The following NKAIN3 variants were observed in gnomAD, a reference collection of about 807,000 sequenced individuals.
The protein encoded by NKAIN3 is sodium/potassium transporting ATPase interacting 3.
In NKAIN3, 25 loss-of-function variants were observed where a neutral mutation model predicts 30.2. The observed-to-expected ratio is 0.83, with a 90% CI of 0.60 to 1.16. The LOEUF (loss-of-function observed/expected upper bound fraction) is 1.16. NKAIN3 is among the 50% of genes most tolerant of loss of function. The pLI is 0.00. For synonymous variants in NKAIN3, 91 were observed against 89.6 expected (o/e 1.02, Z -0.09); for missense variants, 225 against 254.1 (o/e 0.89, Z 0.78).
At chr8:62,875,015 G>A (rs958656344) in intron 4 of NKAIN3, among the ~76,000 whole-genome samples, 11 of 152,140 alleles carry the variant, frequency 7.2e-5, no homozygotes, top group African/African-American at 2.2e-4. Flanking sequence ...TAGGAAGGGA[G>A]GAAGTCAGGT....
intron 1 of NKAIN3, among the ~76,000 whole-genome samples, chr8:62,476,607 C>G (rs577899343): frequency 9.2e-5 from 14 of 152,078 alleles, no homozygotes; most frequent in African/African-American, 3.4e-4. Context: ...CAGGCACGTG[C>G]CACCATACCC....
chr8:62,427,443 G>T (rs1235160236), intron 1 of NKAIN3, among the ~76,000 whole-genome samples: 2 of 151,906 alleles, frequency 1.3e-5, no homozygotes, highest in Non-Finnish European at 1.5e-5. Context: ...TTCCTCACAT[G>T]AAGTGTAGTT....
intron 4 of NKAIN3, among the ~76,000 whole-genome samples, chr8:62,801,060 G>A (rs1323090679): frequency 1.3e-5 from 2 of 152,186 alleles, no homozygotes; most frequent in African/African-American, 4.8e-5. Flanking sequence ...AGCAAGGCTG[G>A]GGGAGGGGCT....
At chr8:62,301,923 G>GC (rs1814061963) in intron 1 of NKAIN3, among the ~76,000 whole-genome samples, 1 of 152,018 alleles carries the variant, frequency 6.6e-6, no homozygotes, top group Non-Finnish European at 1.5e-5. Flanking sequence ...ATCTTGGAAA[G>GC]CCTTACTCCA....
At chr8:62,612,538 G>GC (rs1554554105) in intron 3 of NKAIN3, among the ~76,000 whole-genome samples, 1 of 146,000 alleles carries the variant, frequency 6.8e-6, no homozygotes, top group Non-Finnish European at 1.5e-5. Context: ...AATGGGTCTT[G>GC]TTTTTTTTTT....
At chr8:62,817,572 C>A (rs1026201454) in intron 4 of NKAIN3, among the ~76,000 whole-genome samples, 2 of 152,084 alleles carry the variant, frequency 1.3e-5, no homozygotes, top group Non-Finnish European at 2.9e-5. Flanking sequence ...TTGTGGCTAT[C>A]ACAAACCAAT....
chr8:62,644,459 C>T (rs940869678), intron 3 of NKAIN3, among the ~76,000 whole-genome samples: 4 of 151,982 alleles, frequency 2.6e-5, no homozygotes, highest in African/African-American at 4.8e-5. Context: ...TTCAAAATGA[C>T]ACTTTTAGAC....
chr8:62,458,009 C>T (rs758357811), intron 1 of NKAIN3, among the ~76,000 whole-genome samples: 1 of 152,138 alleles, frequency 6.6e-6, no homozygotes, highest in Non-Finnish European at 1.5e-5. Flanking sequence ...TAGGTAGGCC[C>T]TCGACGGGAC....
chr8:62,269,580 G>T (rs144353301), intron 1 of NKAIN3, among the ~76,000 whole-genome samples: 213 of 152,186 alleles, frequency 1.4e-3, no homozygotes, highest in African/African-American at 4.8e-3. Flanking sequence ...ATTTTAAAAG[G>T]CTATGAAAAT....
chr8:62,345,401 A>G lies in NKAIN3; in HGVS notation c.54+96274A>G, dbSNP rs1187540151. ...TATATGTATATATACACACATATAC[A>G]CATATATGTATATATACACATATAT... On this transcript the variant is annotated intron_variant, in intron 1 of 6. Coordinates refer to ENST00000623646, the MANE Select transcript of NKAIN3 (RefSeq NM_001304533.3). 4.2e-3 allele frequency among the ~76,000 whole-genome samples: 517 copies of G among 122,296 alleles called. 8 individuals carry two copies. Among genetic ancestry groups the G allele is most frequent in the Non-Finnish European group, 7.3e-3 (407 of 55,986 alleles). 80.2% of individuals were successfully genotyped at this position (122,296 alleles called of 152,430 possible). A position where few individuals can be genotyped will look rare whatever the true frequency, so the allele number is the denominator to read the frequency against.
rs879462622 is a variant in NKAIN3, at chr8:62,969,477, T to G, written c.*4070T>G. On this transcript the variant is annotated 3_prime_UTR_variant, in exon 7 of 7. Transcript: ENST00000623646. Reference sequence around the variant, plus strand: ...CAAATCTTCATTTCATACCTAATTTTAAAACGAATTGTGTCCCCAAATATG... The same window carrying G: ...CAAATCTTCATTTCATACCTAATTTGAAAACGAATTGTGTCCCCAAATATG... Among the ~76,000 whole-genome samples the G allele has an allele frequency of 3.3e-5, 5 of 152,214 alleles. No individual in the cohort carries two copies. The highest frequency in any genetic ancestry group is 5.9e-5 in the Non-Finnish European group (4 of 68,038).
At chr8:62,483,713 A>G (rs1041885991) in intron 1 of NKAIN3, 6 of 306,802 alleles carry the variant, frequency 2.0e-5, no homozygotes, top group African/African-American at 1.4e-4. Context: ...TGCCGAGTCA[A>G]TAAATTAGCT....
chr8:62,340,512 C>A (rs1815707368), intron 1 of NKAIN3, among the ~76,000 whole-genome samples: 2 of 151,998 alleles, frequency 1.3e-5, no homozygotes, highest in South Asian at 4.1e-4. Context: ...TCAGAGAGAA[C>A]TTCCTGCTTT....
chr8:62,416,060 A>T (rs1804435692), intron 1 of NKAIN3, among the ~76,000 whole-genome samples: 1 of 151,896 alleles, frequency 6.6e-6, no homozygotes, highest in Admixed American at 6.6e-5. Flanking sequence ...CTGGCCTAAG[A>T]ATTATTTCTT....
rs1206991604 is a variant in NKAIN3, at chr8:62,372,001, A to G, written c.54+122874A>G. ...CCTTTTCTGTTTTGCTTTTTTTTCT[A>G]TTTACTATACTTGATGATAGAAACC... On this transcript the variant is annotated intron_variant, in intron 1 of 6. Coordinates refer to ENST00000623646, the MANE Select transcript of NKAIN3 (RefSeq NM_001304533.3). 1.3e-4 allele frequency among the ~76,000 whole-genome samples: 20 copies of G among 151,688 alleles called. No homozygotes were observed. The East Asian group carries it at 3.9e-3, about 29-fold the overall frequency.
chr8:62,343,217 A>G (rs1467119790), intron 1 of NKAIN3, among the ~76,000 whole-genome samples: 1 of 152,002 alleles, frequency 6.6e-6, no homozygotes, highest in Non-Finnish European at 1.5e-5. Context: ...CAATTTACCT[A>G]AACTGGCTTT....
chr8:62,414,518 A>T (rs1166340486), intron 1 of NKAIN3, among the ~76,000 whole-genome samples: 3 of 152,214 alleles, frequency 2.0e-5, no homozygotes, highest in Non-Finnish European at 4.4e-5. Context: ...TCGTGGCGTT[A>T]ATGCCGAAGA....
intron 3 of NKAIN3, among the ~76,000 whole-genome samples, chr8:62,683,393 TTTA>T: frequency 6.6e-6 from 1 of 152,192 alleles, no homozygotes; most frequent in Admixed American, 6.6e-5. Context: ...GGTACATGTC[TTTA>T]TCAAGTTACC....
chr8:62,825,408 A>G (rs1394821741), intron 4 of NKAIN3, among the ~76,000 whole-genome samples: 1 of 152,192 alleles, frequency 6.6e-6, no homozygotes, highest in Non-Finnish European at 1.5e-5. Context: ...GAAAATATTG[A>G]AAATGTTTTT....
Sources: allele counts gnomAD v4.1 joint callset (sites outside exome capture counted in the v4.1 genomes callset), GRCh38; gene constraint gnomAD v4.1.1; transcripts MANE v1.5; gene names NCBI Gene and HGNC (gene_info 2026-07-23, HGNC 2026-07-21).